CFAP221: variants seen among roughly 807,000 people sequenced by gnomAD.
CFAP221 encodes the protein cilia and flagella associated protein 221.
In CFAP221, 97 loss-of-function variants were observed where a neutral mutation model predicts 113.1. The ratio of observed to expected loss-of-function variants is 0.86; its 90% CI spans 0.73 to 1.02. The LOEUF (loss-of-function observed/expected upper bound fraction) is 1.02. Among genes scored for constraint, CFAP221 ranks in the 50% least tolerant of loss-of-function variants. CFAP221 has a pLI of 0.00. For missense variants in CFAP221, 1,025 were observed against 1,013.4 expected (o/e 1.01, Z -0.16); for synonymous variants, 331 against 354.4 (o/e 0.93, Z 0.74).
chr2:119,611,866 A>G (rs1313120843), intron 13 of CFAP221, 124 bp downstream of exon 13: 3 of 764,198 alleles, frequency 3.9e-6, no homozygotes, highest in East Asian at 2.7e-5. Context: ...TTTAATTTGC[A>G]TACATTTTCA....
intron 19 of CFAP221, among the ~76,000 whole-genome samples, chr2:119,634,348 T>C (rs532645723): frequency 1.3e-5 from 2 of 152,126 alleles, no homozygotes; most frequent in South Asian, 4.1e-4. Flanking sequence ...AAGCCTGTAG[T>C]CCCAGCTATT....
intron 6 of CFAP221, chr2:119,572,565 C>A (rs2104573788): frequency 1.4e-6 from 1 of 700,988 alleles, no homozygotes; most frequent in Admixed American, 2.0e-5. Flanking sequence ...TTCCTGGTAC[C>A]AGATAACTAG....
At chr2:119,607,452 T>A (rs928961369) in intron 11 of CFAP221, among the ~76,000 whole-genome samples, 2 of 152,342 alleles carry the variant, frequency 1.3e-5, no homozygotes, top group Middle Eastern at 3.4e-3. Context: ...TCATAACTAT[T>A]ATTTATTTAA....
chr2:119,614,156 CCA>C (rs1207775979), intron 13 of CFAP221, among the ~76,000 whole-genome samples: 13 of 152,240 alleles, frequency 8.5e-5, no homozygotes, highest in Admixed American at 7.2e-4. Flanking sequence ...CCACCTGAGA[CCA>C]CCTCAGCCTG....
chr2:119,627,178 C>A (rs952336603), intron 15 of CFAP221, among the ~76,000 whole-genome samples: 1 of 152,046 alleles, frequency 6.6e-6, no homozygotes, highest in African/African-American at 2.4e-5. Flanking sequence ...CTAGGCACAA[C>A]CACACTCCCG....
intron 6 of CFAP221, among the ~76,000 whole-genome samples, chr2:119,563,346 A>G (rs1681395829): frequency 6.6e-6 from 1 of 152,214 alleles, no homozygotes; most frequent in Admixed American, 6.5e-5. Flanking sequence ...AGAGATAGCC[A>G]TCCATTGCTT....
chr2:119,638,523 C>A, intron 20 of CFAP221, 106 bp downstream of exon 20: 1 of 1,398,164 alleles, frequency 7.2e-7, no homozygotes, highest in Non-Finnish European at 1.0e-6. Flanking sequence ...TTTGCCGCCA[C>A]AGCTGCAGAA....
At chr2:119,621,786 C>T (rs1345666280) in intron 14 of CFAP221, among the ~76,000 whole-genome samples, 1 of 152,198 alleles carries the variant, frequency 6.6e-6, no homozygotes, top group Non-Finnish European at 1.5e-5. Flanking sequence ...TCCTGAATGA[C>T]TCTGGGTAAA....
At chr2:119,638,202 A>G in intron 19 of CFAP221, 57 bp from the exon 20 acceptor site, 1 of 1,575,232 alleles carries the variant, frequency 6.3e-7, no homozygotes, top group Non-Finnish European at 8.7e-7. Context: ...TGCCTGTCCT[A>G]TGCCTGGCTT....
intron 7 of CFAP221, among the ~76,000 whole-genome samples, chr2:119,587,466 A>C (rs1683303387): frequency 6.6e-6 from 1 of 152,212 alleles, no homozygotes; most frequent in South Asian, 2.1e-4. Context: ...TCCAATGCTA[A>C]GTTTGGCTCC....
rs756196540 is a variant in CFAP221, at chr2:119,630,617, C to G, written c.1779C>G (p.His593Gln). Residue 593 changes from histidine to glutamine, a missense_variant, in exon 18 of 24, where the codon CAC becomes CAG. Transcript: ENST00000413369. ...AGAGATATCAGCCATTCTCTGTCCA[C>G]AAGTCTTCAACAAGTTACAGACCTC... ...KIKRYQPFSV[H>Q]KSSTSYRPQK... is the part of the protein sequence containing the mutation. The G allele has an allele frequency of 4.3e-6, 7 of 1,614,034 alleles. No homozygotes were observed. The Admixed American group carries it at 1.2e-4, about 27-fold the overall frequency.
At chr2:119,580,350 A>T (rs1682761249) in intron 6 of CFAP221, 1 of 152,128 alleles carries the variant, frequency 6.6e-6, no homozygotes, top group African/African-American at 2.4e-5. Flanking sequence ...TCAGAAACCT[A>T]GGGCCCCTGA....
In CFAP221 at chr2:119,647,067, T is replaced by A. The variant is rs752564035; in HGVS notation, c.2318+17T>A. On this transcript the variant is annotated intron_variant, in intron 22 of 23. Transcript: ENST00000413369. ...AGTAGAACGGTATTTTTTTTTTTTT[T>A]AATCTTTGGCCTCTAATGTGGTCTG... 8.6e-6 allele frequency: 10 copies of A among 1,167,350 alleles called. No individual in the cohort carries two copies. The highest frequency in any genetic ancestry group is 3.3e-5 in the African/African-American group (2 of 61,408). The allele number at this position is 1,167,350 out of a possible 1,614,324, so 72.3% of individuals were successfully genotyped here. A position where few individuals can be genotyped will look rare whatever the true frequency, so the allele number is the denominator to read the frequency against.
rs148423090 is a variant in CFAP221, at chr2:119,601,333, C to G, written c.747C>G (p.Tyr249Ter). The G allele has an allele frequency of 2.0e-6, 3 of 1,534,768 alleles. No homozygotes were observed. The highest frequency in any genetic ancestry group is 1.2e-5 in the South Asian group (1 of 83,810). Residue 249 changes from tyrosine (Y) to a stop codon, truncating the protein, a stop_gained, in exon 8 of 24, where the codon TAC becomes TAG. Coordinates refer to ENST00000413369, the MANE Select transcript of CFAP221 (RefSeq NM_001271049.2). LOFTEE classifies it high-confidence loss of function. The stretch of plus-strand genomic sequence containing the variant: ...TTTCGCAGTTCAACTCTCAACCATA[C>G]GAATGTGTCTTCACCGGAACATGCT... ...LWISQFNSQP[Y>*]ECVFTGTCYP...
chr2:119,544,773 G>T (rs2104992680), intron 1 of CFAP221, among the ~76,000 whole-genome samples: 1 of 152,228 alleles, frequency 6.6e-6, no homozygotes, highest in East Asian at 1.9e-4. Flanking sequence ...GAGAGGGCCT[G>T]CCCGGGGTGA....
Position 119,625,652 on chromosome 2 carries a change from A to G in CFAP221, c.1480A>G (p.Arg494Gly), listed in dbSNP as rs1299952089. 1.9e-6 allele frequency: 3 copies of G among 1,613,724 alleles called. No individual in the cohort carries two copies. Among genetic ancestry groups the G allele is most frequent in the Non-Finnish European group, 2.5e-6 (3 of 1,179,586 alleles). The stretch of plus-strand genomic sequence containing the variant: ...TGAAATGGACAAAGAGAGTATACTG[A>G]GAAAGATTGGCCAAGCAAAACAATC... ...VREMDKESIL[R>G]KIGQAKQSIA... Residue 494 changes from arginine (R) to glycine (G), a missense_variant, in exon 15 of 24, where the codon AGA (arginine) becomes GGA (glycine). By Grantham distance (125) the Arg-to-Gly change is moderately radical. Transcript: ENST00000413369.
chr2:119,603,592 T>G (rs1189986996), intron 8 of CFAP221, among the ~76,000 whole-genome samples: 3 of 152,246 alleles, frequency 2.0e-5, no homozygotes, highest in Non-Finnish European at 4.4e-5. Context: ...AATGTTCACC[T>G]ATTTTTATCT....
chr2:119,612,792 T>C (rs189964603), intron 13 of CFAP221, among the ~76,000 whole-genome samples: 53 of 152,292 alleles, frequency 3.5e-4, no homozygotes, highest in Admixed American at 7.2e-4. Flanking sequence ...TCTCATGTCC[T>C]CACAATTTAA....
At position 119,571,580 on chromosome 2, in the gene CFAP221, G is replaced by A. The variant is rs188842349; in HGVS notation, c.527+9466G>A. Reference sequence around the variant, plus strand: ...AACAATCCTCCCACCTCAGCCTCCTGAGTAGCTTGGACCACAGACATGCAC... The same window carrying A: ...AACAATCCTCCCACCTCAGCCTCCTAAGTAGCTTGGACCACAGACATGCAC... On this transcript the variant is annotated intron_variant, in intron 6 of 23. Coordinates refer to ENST00000413369, the MANE Select transcript of CFAP221 (RefSeq NM_001271049.2). Among the ~76,000 whole-genome samples, 390 of 152,224 alleles carry A rather than the reference G, an allele frequency of 2.6e-3. 2 individuals are homozygous for A. The highest frequency in any genetic ancestry group is 4.4e-3 in the Non-Finnish European group (299 of 68,016).
Sources: allele counts gnomAD v4.1 joint callset (sites outside exome capture counted in the v4.1 genomes callset), GRCh38; gene constraint gnomAD v4.1.1; transcripts MANE v1.5; gene names NCBI Gene and HGNC (gene_info 2026-07-23, HGNC 2026-07-21).